Variants in TMEM117 observed in about 807,000 individuals in gnomAD.
TMEM117 encodes the protein transmembrane protein 117.
A neutral mutation model predicts 52.4 loss-of-function variants in TMEM117; 27 were observed. The observed-to-expected ratio is 0.51, with a 90% CI of 0.38 to 0.71. The LOEUF (loss-of-function observed/expected upper bound fraction) is 0.71. Ranked by LOEUF, TMEM117 falls within the 30% of genes least tolerant of loss-of-function variation. The probability of loss-of-function intolerance (pLI) is 0.00; values close to 1 mark genes in which losing one functional copy is unlikely to be tolerated. For missense variants in TMEM117, 556 were observed against 630.5 expected (o/e 0.88, Z 1.26); for synonymous variants, 215 against 206.3 (o/e 1.04, Z -0.36).
Position 44,298,425 on chromosome 12 carries a change from T to C in TMEM117, c.609-1155T>C, listed in dbSNP as rs571956893. Among the ~76,000 whole-genome samples the C allele has an allele frequency of 8.6e-5, 13 of 150,734 alleles. 2 individuals are homozygous for C. Among genetic ancestry groups the C allele is most frequent in the South Asian group, 4.1e-4 (2 of 4,826 alleles). On this transcript the variant is annotated intron_variant, in intron 5 of 7. Coordinates refer to ENST00000266534, the MANE Select transcript of TMEM117 (RefSeq NM_032256.3). ...TTTATTTCAAGTAATTGTTTTTTTT[T>C]TTCTTCTTATAATTCTAAACAATAT...
At chr12:44,253,835 T>TACACAC (rs10565033) in intron 5 of TMEM117, among the ~76,000 whole-genome samples, 1,403 of 136,298 alleles carry the variant, frequency 0.01, 8 homozygotes, top group South Asian at 0.016. Context: ...TGATAATTCC[T>TACACAC]ACACACACAC....
chr12:43,835,759 C>G (rs1187154208), upstream of TMEM117, among the ~76,000 whole-genome samples: 1 of 152,120 alleles, frequency 6.6e-6, no homozygotes, highest in Non-Finnish European at 1.5e-5. Flanking sequence ...CCTGCAGCTG[C>G]CGCTCTGCAG....
chr12:43,805,095 C>A, the TMEM117 span, among the ~76,000 whole-genome samples: 4 of 152,182 alleles, frequency 2.6e-5, no homozygotes, highest in Non-Finnish European at 5.9e-5. Flanking sequence ...ACTTGCATTT[C>A]TCAAAAGCTA....
intron 2 of TMEM117, among the ~76,000 whole-genome samples, chr12:43,916,187 G>C (rs1465888540): frequency 6.6e-6 from 1 of 152,162 alleles, no homozygotes; most frequent in Non-Finnish European, 1.5e-5. Context: ...GGGATTCCCT[G>C]TTCCACCTCT....
the TMEM117 span, among the ~76,000 whole-genome samples, chr12:43,799,211 T>G: frequency 6.6e-6 from 1 of 152,152 alleles, no homozygotes; most frequent in Non-Finnish European, 1.5e-5. Context: ...ATATAAAGTT[T>G]AATATTCATT....
chr12:44,277,010 T>A (rs1950521978), intron 5 of TMEM117, among the ~76,000 whole-genome samples: 1 of 152,016 alleles, frequency 6.6e-6, no homozygotes, highest in African/African-American at 2.4e-5. Flanking sequence ...AGATATTAGG[T>A]AGCATTTTAA....
intron 6 of TMEM117, among the ~76,000 whole-genome samples, chr12:44,317,002 C>CTTTTTTTT (rs1202276425): frequency 8.2e-5 from 10 of 121,526 alleles, no homozygotes; most frequent in East Asian, 2.4e-4. Context: ...TTTTCTTTTT[C>CTTTTTTTT]TTTTTTTTTT....
At chr12:44,098,330 C>T (rs1947806867) in intron 3 of TMEM117, among the ~76,000 whole-genome samples, 1 of 152,042 alleles carries the variant, frequency 6.6e-6, no homozygotes, top group Admixed American at 6.6e-5. Flanking sequence ...TGATACTGTT[C>T]TCCACTTTCC....
intron 5 of TMEM117, among the ~76,000 whole-genome samples, chr12:44,232,284 T>A (rs1949943605): frequency 6.6e-6 from 1 of 151,614 alleles, no homozygotes; most frequent in Non-Finnish European, 1.5e-5. Context: ...ACAATCCAAC[T>A]GGTGTTAAGT....
intron 3 of TMEM117, among the ~76,000 whole-genome samples, chr12:44,131,889 A>G (rs1948419215): frequency 6.6e-6 from 1 of 152,090 alleles, no homozygotes; most frequent in African/African-American, 2.4e-5. Context: ...GGTCTGAAAA[A>G]TATCTTTATT....
At chr12:44,005,888 T>C (rs915339851) in intron 3 of TMEM117, among the ~76,000 whole-genome samples, 6 of 152,202 alleles carry the variant, frequency 3.9e-5, no homozygotes, top group Non-Finnish European at 8.8e-5. Flanking sequence ...AGATCTCTCT[T>C]TTTGCCTGCT....
At chr12:44,010,399 C>T (rs933482783) in intron 3 of TMEM117, among the ~76,000 whole-genome samples, 3 of 152,128 alleles carry the variant, frequency 2.0e-5, no homozygotes, top group East Asian at 3.9e-4. Context: ...GTCAGGAAAG[C>T]GCACTATGCC....
At chr12:44,182,252 G>C (rs1360154893) in intron 4 of TMEM117, among the ~76,000 whole-genome samples, 1 of 152,092 alleles carries the variant, frequency 6.6e-6, no homozygotes, top group African/African-American at 2.4e-5. Context: ...TGGAGATTTT[G>C]GGCTGAGACA....
At chr12:44,235,680 C>T (rs1000208257) in intron 5 of TMEM117, among the ~76,000 whole-genome samples, 3 of 151,750 alleles carry the variant, frequency 2.0e-5, no homozygotes, top group Middle Eastern at 3.4e-3. Flanking sequence ...ATTAACTTGT[C>T]TCTGGGATCA....
intron 6 of TMEM117, among the ~76,000 whole-genome samples, chr12:44,311,917 A>G (rs1385102519): frequency 2.0e-5 from 3 of 146,812 alleles, no homozygotes; most frequent in Admixed American, 6.9e-5. Flanking sequence ...ATGTGTGTAT[A>G]TATATATATA....
At chr12:44,368,333 C>G (rs1158844447) in intron 6 of TMEM117, among the ~76,000 whole-genome samples, 4 of 152,128 alleles carry the variant, frequency 2.6e-5, no homozygotes, top group Non-Finnish European at 5.9e-5. Context: ...TAGAATATAT[C>G]CTCCATAAGA....
At chr12:44,126,128 A>G (rs1326312462) in intron 3 of TMEM117, among the ~76,000 whole-genome samples, 1 of 151,862 alleles carries the variant, frequency 6.6e-6, no homozygotes, top group Non-Finnish European at 1.5e-5. Flanking sequence ...GGAATGTTTT[A>G]GTTCTAATTA....
intron 2 of TMEM117, among the ~76,000 whole-genome samples, chr12:43,928,909 A>T (rs988141917): frequency 6.6e-6 from 1 of 151,928 alleles, no homozygotes; most frequent in African/African-American, 2.4e-5. Context: ...CCATGTCCCT[A>T]TAAAGGACAT....
At chr12:44,326,138 A>G (rs1331861832) in intron 6 of TMEM117, among the ~76,000 whole-genome samples, 1 of 152,168 alleles carries the variant, frequency 6.6e-6, no homozygotes. Flanking sequence ...GCACTCCAGC[A>G]GCCTGGGCAA....
Sources: gnomAD v4.1 joint callset for allele counts (sites outside exome capture counted in the v4.1 genomes callset) on GRCh38, gnomAD v4.1.1 for gene constraint, MANE v1.5 for transcripts, NCBI Gene and HGNC (gene_info 2026-07-23, HGNC 2026-07-21) for gene names.